The following PRR16 variants were observed in gnomAD, a reference collection of about 807,000 sequenced individuals.
PRR16 encodes proline rich 16.
A neutral mutation model predicts 18.2 loss-of-function variants in PRR16; 6 were observed. The observed-to-expected ratio is 0.33, with a 90% CI of 0.18 to 0.65. The LOEUF (loss-of-function observed/expected upper bound fraction) is 0.65, where lower values mean the gene tolerates loss of function less well. Ranked by LOEUF, PRR16 falls within the 30% of genes least tolerant of loss-of-function variation. PRR16 has a pLI of 0.74. For missense variants in PRR16, 412 were observed against 376.6 expected (o/e 1.09, Z -0.78); for synonymous variants, 151 against 147.8 (o/e 1.02, Z -0.16).
chr5:120,785,569 G>GTTTTTTTTTTTTTTTTTTTT, the PRR16 span, among the ~76,000 whole-genome samples: 6 of 99,606 alleles, frequency 6.0e-5, no homozygotes, highest in African/African-American at 1.9e-4. Context: ...GTGTTTTGTT[G>GTTTTTTTTTTTTTTTTTTTT]TTGTTGTTTT....
the PRR16 span, among the ~76,000 whole-genome samples, chr5:120,749,637 C>T: frequency 6.6e-6 from 1 of 152,096 alleles, no homozygotes; most frequent in East Asian, 1.9e-4. Context: ...CTAAGATTAT[C>T]ACTGATTTCA....
chr5:120,597,398 A>G (rs1285514979), intron 1 of PRR16, among the ~76,000 whole-genome samples: 20 of 151,612 alleles, frequency 1.3e-4, no homozygotes, highest in Admixed American at 1.3e-3. Flanking sequence ...AATTTTATGT[A>G]TTTTAAGAAT....
chr5:120,776,855 C>T, the PRR16 span, among the ~76,000 whole-genome samples: 8 of 151,826 alleles, frequency 5.3e-5, no homozygotes, highest in East Asian at 1.9e-4. Flanking sequence ...TTATTCTGAC[C>T]GTAATTCTTA....
the PRR16 span, among the ~76,000 whole-genome samples, chr5:120,753,822 TTATA>T: frequency 7.2e-6 from 1 of 138,452 alleles, no homozygotes; most frequent in Admixed American, 8.1e-5. Context: ...TATTATATAT[TTATA>T]TATAATATAT....
At chr5:120,718,920 G>A in the PRR16 span, among the ~76,000 whole-genome samples, 1 of 152,066 alleles carries the variant, frequency 6.6e-6, no homozygotes, top group Non-Finnish European at 1.5e-5. Context: ...TATAGGGAAA[G>A]CTACTGGGGC....
chr5:120,696,483 C>T, the PRR16 span, among the ~76,000 whole-genome samples: 1 of 152,150 alleles, frequency 6.6e-6, no homozygotes, highest in African/African-American at 2.4e-5. Flanking sequence ...ATAGTGTATT[C>T]AAGTTGAAGA....
chr5:120,791,620 T>C, the PRR16 span, among the ~76,000 whole-genome samples: 19 of 136,392 alleles, frequency 1.4e-4, no homozygotes, highest in African/African-American at 3.0e-4. Flanking sequence ...TCTATCTATC[T>C]ATCCATCCAT....
the PRR16 span, among the ~76,000 whole-genome samples, chr5:120,783,768 G>T: frequency 6.6e-6 from 1 of 151,900 alleles, no homozygotes; most frequent in Non-Finnish European, 1.5e-5. Context: ...ATAATTTATT[G>T]TTAACTATAG....
chr5:120,581,710 T>C (rs1222571928), intron 1 of PRR16, among the ~76,000 whole-genome samples: 2 of 152,192 alleles, frequency 1.3e-5, no homozygotes, highest in Non-Finnish European at 2.9e-5. Context: ...GAGATTCTGG[T>C]ATGTTGTCTC....
chr5:120,497,476 C>T (rs1163207235), intron 1 of PRR16, among the ~76,000 whole-genome samples: 6 of 149,456 alleles, frequency 4.0e-5, no homozygotes, highest in Admixed American at 2.7e-4. Flanking sequence ...CTGCAACCTC[C>T]GTCTCCTGGT....
intron 1 of PRR16, among the ~76,000 whole-genome samples, chr5:120,610,880 G>A (rs1754312616): frequency 6.6e-6 from 1 of 152,178 alleles, no homozygotes; most frequent in African/African-American, 2.4e-5. Context: ...CAGAGAGGTT[G>A]GAACAGTTTG....
At chr5:120,562,079 T>G (rs1403943179) in intron 1 of PRR16, among the ~76,000 whole-genome samples, 1 of 152,160 alleles carries the variant, frequency 6.6e-6, no homozygotes, top group African/African-American at 2.4e-5. Context: ...TATGGGATAT[T>G]GAAGTCTCCA....
intron 1 of PRR16, among the ~76,000 whole-genome samples, chr5:120,572,304 A>G (rs1752933883): frequency 6.6e-6 from 1 of 152,148 alleles, no homozygotes; most frequent in South Asian, 2.1e-4. Flanking sequence ...ACAAGGTTGT[A>G]AGAAGTGGTT....
upstream of PRR16, chr5:120,464,291 C>G (rs1749002560): frequency 5.0e-6 from 2 of 400,296 alleles, no homozygotes; most frequent in Non-Finnish European, 8.3e-6. Context: ...CCGAGCGCCG[C>G]GTCTCGGGAG....
At chr5:120,762,324 T>A in the PRR16 span, among the ~76,000 whole-genome samples, 2 of 152,170 alleles carry the variant, frequency 1.3e-5, no homozygotes, top group African/African-American at 4.8e-5. Flanking sequence ...TTAATTTACA[T>A]TCCTAACAGT....
chr5:120,519,867 GT>G (rs1457360211), intron 1 of PRR16, among the ~76,000 whole-genome samples: 3 of 151,928 alleles, frequency 2.0e-5, no homozygotes, highest in East Asian at 1.9e-4. Context: ...ATTTTTATGG[GT>G]TTTTTTCTCA....
At chr5:120,651,845 G>GT (rs1439330769) in intron 1 of PRR16, among the ~76,000 whole-genome samples, 1 of 151,994 alleles carries the variant, frequency 6.6e-6, no homozygotes, top group Non-Finnish European at 1.5e-5. Context: ...CTTTAAAGTA[G>GT]TTTTTTCCAA....
At chr5:120,598,531 T>G (rs997982224) in intron 1 of PRR16, among the ~76,000 whole-genome samples, 13 of 151,862 alleles carry the variant, frequency 8.6e-5, no homozygotes, top group Admixed American at 7.2e-4. Context: ...GTCAACTGGC[T>G]AGTGTGCATA....
chr5:120,763,709 C>A, the PRR16 span, among the ~76,000 whole-genome samples: 1 of 151,916 alleles, frequency 6.6e-6, no homozygotes, highest in Admixed American at 6.6e-5. Context: ...TCTCTTTGTT[C>A]ATGTCTTCTT....
Sources: allele counts gnomAD v4.1 joint callset (sites outside exome capture counted in the v4.1 genomes callset), GRCh38; gene constraint gnomAD v4.1.1; transcripts MANE v1.5; gene names NCBI Gene and HGNC (gene_info 2026-07-23, HGNC 2026-07-21).